Variants in FHIP1A observed in about 807,000 individuals in gnomAD.
The protein encoded by FHIP1A is FHF complex subunit HOOK-interacting protein 1A.
In FHIP1A, 61 loss-of-function variants were observed where a neutral mutation model predicts 88.6. The ratio of observed to expected loss-of-function variants is 0.69; its 90% CI spans 0.56 to 0.85. The LOEUF is 0.85. FHIP1A is among the 40% of genes least tolerant of loss of function. FHIP1A has a pLI of 0.00. For synonymous variants in FHIP1A, 478 were observed against 496.0 expected, an observed-to-expected ratio of 0.96 and a Z score of 0.48; for missense variants, 1,154 against 1,273.5, an observed-to-expected ratio of 0.91 and a Z score of 1.43.
At chr4:151,601,029 T>G (rs1031312780) in intron 7 of FHIP1A, among the ~76,000 whole-genome samples, 3 of 152,140 alleles carry the variant, frequency 2.0e-5, no homozygotes, top group Non-Finnish European at 2.9e-5. Context: ...CTGGGCAGGT[T>G]TACCACAGTT....
chr4:151,553,523 C>G (rs904434413), intron 3 of FHIP1A, among the ~76,000 whole-genome samples: 3 of 152,046 alleles, frequency 2.0e-5, no homozygotes, highest in African/African-American at 7.2e-5. Flanking sequence ...TTTCTTTTAA[C>G]TCGTAGGATA....
intron 3 of FHIP1A, among the ~76,000 whole-genome samples, chr4:151,551,468 A>G (rs753768594): frequency 2.6e-5 from 4 of 152,224 alleles, no homozygotes; most frequent in Admixed American, 6.5e-5. Flanking sequence ...ACAGCATGGT[A>G]CTGGTACCAA....
In FHIP1A at chr4:151,663,708, T is replaced by TA. The variant is rs1366162085; in HGVS notation, c.*959dup. ...GGGGAGATAAACTAAATGCAGCCTGTAAAAACACTGATCATTATTTAAAAT... is the reference window on the plus strand; with the variant it reads ...GGGGAGATAAACTAAATGCAGCCTGTAAAAAACACTGATCATTATTTAAAAT... On this transcript the variant is annotated 3_prime_UTR_variant, in exon 14 of 14. Transcript: ENST00000435205. 6.6e-6 allele frequency: 1 copy of TA among 152,184 alleles called. No homozygotes were observed. The highest frequency in any genetic ancestry group is 2.4e-5 in the African/African-American group (1 of 41,456). 9.4% of individuals were successfully genotyped at this position (152,184 alleles called of 1,614,324 possible). A position where few individuals can be genotyped will look rare whatever the true frequency, so the allele number is the denominator to read the frequency against.
chr4:151,419,568 C>CTTTTTTT lies in FHIP1A; in HGVS notation c.-356+10131_-356+10137dup. Among the ~76,000 whole-genome samples, 72 of 21,988 alleles carry CTTTTTTT rather than the reference C, an allele frequency of 3.3e-3. 1 individual carries two copies. Among genetic ancestry groups the CTTTTTTT allele is most frequent in the South Asian group, 6.3e-3 (3 of 480 alleles). 14.4% of individuals were successfully genotyped at this position (21,988 alleles called of 152,430 possible). A position where few individuals can be genotyped will look rare whatever the true frequency, so the allele number is the denominator to read the frequency against. On this transcript the variant is annotated intron_variant, in intron 1 of 13. Transcript: ENST00000435205. ...CTGCCATGCTGGTCTGTTCCTCATT[C>CTTTTTTT]TTTTTTTTTTTTTTTTTTTTTTTTT... is the stretch of plus-strand genomic sequence containing the variant.
chr4:151,589,043 C>A, intron 7 of FHIP1A, 117 bp downstream of exon 7: 1 of 739,444 alleles, frequency 1.4e-6, no homozygotes, highest in Non-Finnish European at 2.3e-6. Flanking sequence ...TCTTTTCATT[C>A]CGTCTATATT....
intron 1 of FHIP1A, among the ~76,000 whole-genome samples, chr4:151,438,388 A>G (rs184501247): frequency 6.6e-6 from 1 of 152,256 alleles, no homozygotes; most frequent in East Asian, 1.9e-4. Flanking sequence ...TGGACATACT[A>G]GTAACCTAGC....
intron 3 of FHIP1A, among the ~76,000 whole-genome samples, chr4:151,510,202 T>A (rs1345846673): frequency 6.6e-6 from 1 of 152,086 alleles, no homozygotes; most frequent in Non-Finnish European, 1.5e-5. Flanking sequence ...GCTCCTGGGT[T>A]CAGGTGATCC....
intron 9 of FHIP1A, 21 bp from the exon 10 acceptor site, chr4:151,646,537 T>C (rs1459548550): frequency 6.5e-7 from 1 of 1,535,546 alleles, no homozygotes; most frequent in South Asian, 1.2e-5. Context: ...GACCAAACGC[T>C]TGTTCTTTTT....
intron 10 of FHIP1A, among the ~76,000 whole-genome samples, chr4:151,648,040 G>T (rs1348740086): frequency 6.6e-6 from 1 of 152,186 alleles, no homozygotes; most frequent in Admixed American, 6.5e-5. Context: ...CTCTGAGGTT[G>T]CCTTATAGCA....
chr4:151,631,823 G>A (rs1405322566), intron 8 of FHIP1A, among the ~76,000 whole-genome samples: 2 of 152,270 alleles, frequency 1.3e-5, no homozygotes, highest in African/African-American at 4.8e-5. Context: ...GTGAGGGAAA[G>A]AAAAGAGTGA....
Position 151,667,605 on chromosome 4 carries a change from G to A in FHIP1A, c.*4851G>A, listed in dbSNP as rs1185073957. Among the ~76,000 whole-genome samples, 3 of 152,154 alleles carry A rather than the reference G, an allele frequency of 2.0e-5. No homozygotes were observed. Among genetic ancestry groups the A allele is most frequent in the African/African-American group, 7.2e-5 (3 of 41,432 alleles). On this transcript the variant is annotated 3_prime_UTR_variant, in exon 14 of 14. Coordinates refer to ENST00000435205, the MANE Select transcript of FHIP1A (RefSeq NM_001109977.3). ...GTGAAAGATTTTCAGAGGTTCTTTAGGGAAAAGAATGACCAGGAGAAGGTG... is the reference window on the plus strand; with the variant it reads ...GTGAAAGATTTTCAGAGGTTCTTTAAGGAAAAGAATGACCAGGAGAAGGTG...
chr4:151,439,101 C>T (rs566983481), intron 1 of FHIP1A, among the ~76,000 whole-genome samples: 11 of 152,196 alleles, frequency 7.2e-5, no homozygotes, highest in Admixed American at 4.6e-4. Flanking sequence ...GAAGCTTAAA[C>T]GGTTGCGTTT....
At chr4:151,554,162 A>G (rs1409128978) in intron 3 of FHIP1A, among the ~76,000 whole-genome samples, 1 of 152,116 alleles carries the variant, frequency 6.6e-6, no homozygotes, top group Admixed American at 6.6e-5. Context: ...ATGACGCCCT[A>G]CCTCAGTGGG....
At chr4:151,544,255 A>G (rs1008927125) in intron 3 of FHIP1A, among the ~76,000 whole-genome samples, 15 of 152,152 alleles carry the variant, frequency 9.9e-5, no homozygotes, top group African/African-American at 3.6e-4. Context: ...CAGAATAAGT[A>G]TTATGTTTCT....
chr4:151,576,565 A>G (rs1441936077), intron 4 of FHIP1A, among the ~76,000 whole-genome samples: 2 of 152,276 alleles, frequency 1.3e-5, no homozygotes, highest in Admixed American at 1.3e-4. Context: ...TGGCCTCCCA[A>G]AGTGCTTAAT....
In FHIP1A at chr4:151,547,416, T is replaced by C. The variant is rs1343797219; in HGVS notation, c.-122-18722T>C. ...AGAACTTTCTTAAACACTCTTTTTT[T>C]CCCCCAAAAAAACGTTCTGTGGAAA... On this transcript the variant is annotated intron_variant, in intron 3 of 13. Coordinates refer to ENST00000435205, the MANE Select transcript of FHIP1A (RefSeq NM_001109977.3). 3.3e-5 allele frequency among the ~76,000 whole-genome samples: 5 copies of C among 152,170 alleles called. No individual in the cohort carries two copies. In the East Asian group the frequency reaches 5.8e-4, roughly 18 times the overall value.
At chr4:151,628,479 A>T (rs1050982587) in intron 7 of FHIP1A, among the ~76,000 whole-genome samples, 2 of 152,216 alleles carry the variant, frequency 1.3e-5, no homozygotes, top group African/African-American at 4.8e-5. Context: ...TTTCTAAACT[A>T]ATCTGTGGAT....
chr4:151,539,920 G>A (rs983977095), intron 3 of FHIP1A, among the ~76,000 whole-genome samples: 1 of 152,260 alleles, frequency 6.6e-6, no homozygotes, highest in African/African-American at 2.4e-5. Context: ...ATGTGGAAGA[G>A]AGAACTCTAA....
chr4:151,496,547 T>C (rs1027808359), intron 3 of FHIP1A, among the ~76,000 whole-genome samples: 6 of 151,932 alleles, frequency 3.9e-5, no homozygotes, highest in Non-Finnish European at 5.9e-5. Flanking sequence ...AGATTACATT[T>C]ATTTATTTAT....
Sources: gnomAD v4.1 joint callset for allele counts (sites outside exome capture counted in the v4.1 genomes callset) on GRCh38, gnomAD v4.1.1 for gene constraint, MANE v1.5 for transcripts, NCBI Gene and HGNC (gene_info 2026-07-23, HGNC 2026-07-21) for gene names.